Variants in FRMD4A observed in about 807,000 individuals in gnomAD.
FRMD4A encodes FERM domain containing 4A.
In FRMD4A, 29 loss-of-function variants were observed where a neutral mutation model predicts 129.1. That is an observed-to-expected ratio of 0.22 (90% CI 0.17 to 0.31). The LOEUF (loss-of-function observed/expected upper bound fraction) is 0.31. Ranked by LOEUF, FRMD4A falls within the 10% of genes least tolerant of loss-of-function variation. FRMD4A has a pLI of 1.00. For synonymous variants in FRMD4A, 634 were observed against 571.6 expected, an observed-to-expected ratio of 1.11 and a Z score of -1.56; for missense variants, 1,272 against 1,375.8, an observed-to-expected ratio of 0.92 and a Z score of 1.19.
At chr10:13,712,602 G>A (rs1172330994) in intron 12 of FRMD4A, among the ~76,000 whole-genome samples, 1 of 152,068 alleles carries the variant, frequency 6.6e-6, no homozygotes, top group Non-Finnish European at 1.5e-5. Flanking sequence ...ACCAAGTAGT[G>A]GCTTCCTTGA....
intron 3 of FRMD4A, among the ~76,000 whole-genome samples, chr10:13,838,785 G>A (rs1033528385): frequency 4.0e-5 from 6 of 151,866 alleles, no homozygotes; most frequent in South Asian, 2.1e-4. Flanking sequence ...GAGCCACCGC[G>A]CCTGCCTATG....
intron 2 of FRMD4A, among the ~76,000 whole-genome samples, chr10:14,153,537 T>C (rs1268498581): frequency 2.0e-5 from 3 of 152,228 alleles, no homozygotes; most frequent in Non-Finnish European, 4.4e-5. Context: ...ATAATTTGCC[T>C]TTCCTGCTGT....
chr10:14,196,537 T>A lies in FRMD4A; in HGVS notation c.45+133521A>T, dbSNP rs12257272. 9.5e-3 allele frequency among the ~76,000 whole-genome samples: 1,443 copies of A among 152,356 alleles called. 25 individuals are homozygous for A. Among genetic ancestry groups the A allele is most frequent in the African/African-American group, 0.033 (1,392 of 41,584 alleles). Reference sequence around the variant, plus strand: ...TTACACAAGAAAAACAAATACTTTTTATATTTTTATAATTTCTAAGCAAAA... The same window carrying A: ...TTACACAAGAAAAACAAATACTTTTAATATTTTTATAATTTCTAAGCAAAA... On this transcript the variant is annotated intron_variant, in intron 2 of 24. Coordinates refer to ENST00000357447, the MANE Select transcript of FRMD4A (RefSeq NM_018027.5).
At chr10:13,667,056 C>T (rs1402139889) in intron 17 of FRMD4A, among the ~76,000 whole-genome samples, 1 of 152,044 alleles carries the variant, frequency 6.6e-6, no homozygotes, top group Non-Finnish European at 1.5e-5. Flanking sequence ...AGATTACAGG[C>T]ACCTGCCACC....
chr10:14,223,704 G>A (rs1843336961), intron 2 of FRMD4A, among the ~76,000 whole-genome samples: 1 of 132,682 alleles, frequency 7.5e-6, no homozygotes, highest in African/African-American at 2.9e-5. Context: ...TTGCACTACT[G>A]CAATCCAGCC....
chr10:13,868,567 C>T (rs1179237826), intron 2 of FRMD4A, among the ~76,000 whole-genome samples: 1 of 152,144 alleles, frequency 6.6e-6, no homozygotes, highest in Non-Finnish European at 1.5e-5. Flanking sequence ...CTTTGGGAAG[C>T]AGAGGCAGGA....
chr10:13,698,899 A>T (rs2134858574), intron 14 of FRMD4A, among the ~76,000 whole-genome samples: 1 of 152,286 alleles, frequency 6.6e-6, no homozygotes, highest in South Asian at 2.1e-4. Flanking sequence ...GCTTCCTGGG[A>T]AATGTTCTCC....
chr10:14,258,480 A>G (rs1844692441), intron 2 of FRMD4A, among the ~76,000 whole-genome samples: 1 of 152,212 alleles, frequency 6.6e-6, no homozygotes, highest in South Asian at 2.1e-4. Flanking sequence ...AGGAAAAAGC[A>G]AATTAAATTC....
chr10:14,089,208 C>A (rs969614919), intron 2 of FRMD4A, among the ~76,000 whole-genome samples: 1 of 152,196 alleles, frequency 6.6e-6, no homozygotes, highest in Non-Finnish European at 1.5e-5. Flanking sequence ...CTGACTGTAC[C>A]TGTTTTCCCA....
At position 13,922,763 on chromosome 10, in the gene FRMD4A, AT is replaced by A. The variant is rs946485852; in HGVS notation, c.46-63852del. On this transcript the variant is annotated intron_variant, in intron 2 of 24. Transcript: ENST00000357447. ...AACCCACAAGTTCTGTGCTTTGTAAATTTTTTTTTCTCTCTCTAGGACATAG... is the reference window on the plus strand; with the variant it reads ...AACCCACAAGTTCTGTGCTTTGTAAATTTTTTTTCTCTCTCTAGGACATAG... 5.5e-4 allele frequency among the ~76,000 whole-genome samples: 83 copies of A among 151,964 alleles called. 1 individual carries two copies. The highest frequency in any genetic ancestry group is 6.9e-3 in the Middle Eastern group (2 of 290).
chr10:13,777,349 T>TTAAAAATAAATG (rs1162313447), intron 6 of FRMD4A, among the ~76,000 whole-genome samples: 1 of 151,830 alleles, frequency 6.6e-6, no homozygotes, highest in Non-Finnish European at 1.5e-5. Context: ...TATAAAAAAT[T>TTAAAAATAAATG]TAAATGGCAA....
intron 2 of FRMD4A, among the ~76,000 whole-genome samples, chr10:14,140,274 G>A (rs1839769192): frequency 6.6e-6 from 1 of 152,138 alleles, no homozygotes; most frequent in South Asian, 2.1e-4. Flanking sequence ...TGTTGACCAG[G>A]CTGGTCTTGA....
At chr10:13,722,059 G>T (rs1006503535) in intron 12 of FRMD4A, among the ~76,000 whole-genome samples, 8 of 152,068 alleles carry the variant, frequency 5.3e-5, no homozygotes, top group African/African-American at 1.9e-4. Flanking sequence ...CTCGCTCCAG[G>T]GGGTACAGGG....
At chr10:13,883,986 A>C (rs2094575363) in intron 2 of FRMD4A, among the ~76,000 whole-genome samples, 1 of 152,094 alleles carries the variant, frequency 6.6e-6, no homozygotes, top group Non-Finnish European at 1.5e-5. Flanking sequence ...GAAGGTTATT[A>C]AGTGCTTAAA....
chr10:13,781,810 T>G (rs10796126), intron 6 of FRMD4A, among the ~76,000 whole-genome samples: 117,880 of 151,728 alleles, frequency 0.78, 46,483 homozygotes, highest in East Asian at 0.95. Flanking sequence ...TGGTTGCCAG[T>G]GGCTGAGGAA....
chr10:14,309,800 C>G (rs1342043936), intron 2 of FRMD4A, among the ~76,000 whole-genome samples: 1 of 152,166 alleles, frequency 6.6e-6, no homozygotes, highest in African/African-American at 2.4e-5. Context: ...ACGTAGTCTT[C>G]TCATCACGTA....
At chr10:14,031,830 C>G (rs764405511) in intron 2 of FRMD4A, among the ~76,000 whole-genome samples, 1 of 152,080 alleles carries the variant, frequency 6.6e-6, no homozygotes, top group Non-Finnish European at 1.5e-5. Context: ...GTAAAACAAT[C>G]TTGAGGAAGA....
chr10:14,093,022 C>T (rs789766), intron 2 of FRMD4A, among the ~76,000 whole-genome samples: 69,848 of 151,900 alleles, frequency 0.46, 16,393 homozygotes, highest in East Asian at 0.69. Context: ...GGAACTAGAG[C>T]TCCCTGCATC....
intron 2 of FRMD4A, among the ~76,000 whole-genome samples, chr10:14,150,594 C>A (rs1437856944): frequency 2.6e-5 from 4 of 152,164 alleles, no homozygotes; most frequent in African/African-American, 9.7e-5. Context: ...AGATTTCACT[C>A]AGAATGGAGT....
Sources: allele counts gnomAD v4.1 joint callset (sites outside exome capture counted in the v4.1 genomes callset), GRCh38; gene constraint gnomAD v4.1.1; transcripts MANE v1.5; gene names NCBI Gene and HGNC (gene_info 2026-07-23, HGNC 2026-07-21).